TUB: variants seen among roughly 807,000 people sequenced by gnomAD.
TUB encodes the protein tubby protein homolog.
Under a neutral mutation model 59.7 loss-of-function variants are expected in TUB, and 33 were observed. That is an observed-to-expected ratio of 0.55 (90% CI 0.42 to 0.74). The LOEUF (loss-of-function observed/expected upper bound fraction) is 0.74. TUB is among the 30% of genes least tolerant of loss of function. The probability of loss-of-function intolerance (pLI) is 0.00; values close to 1 mark genes in which losing one functional copy is unlikely to be tolerated. For synonymous variants in TUB, 293 were observed against 256.4 expected (o/e 1.14, Z -1.36); for missense variants, 659 against 672.0 (o/e 0.98, Z 0.21).
In TUB at chr11:8,103,347, C is replaced by T. The variant is rs1394672051; in HGVS notation, c.*1728C>T. On this transcript the variant is annotated 3_prime_UTR_variant, in exon 12 of 12. Transcript: ENST00000299506. ...AAATTGGTGGGAAGCAAGCAGGGGT[C>T]GTACCTTGCTTTAGAGTAGATGTTT... The T allele has an allele frequency of 3.3e-5, 5 of 152,262 alleles. No individual in the cohort carries two copies. Among genetic ancestry groups the T allele is most frequent in the South Asian group, 4.2e-4 (2 of 4,818 alleles). The allele number at this position is 152,262 out of a possible 1,614,324, so 9.4% of individuals were successfully genotyped here.
intron 1 of TUB, among the ~76,000 whole-genome samples, chr11:8,030,570 TG>T (rs1942554856): frequency 6.6e-6 from 1 of 152,106 alleles, no homozygotes; most frequent in South Asian, 2.1e-4. Context: ...GATATGTATG[TG>T]TGTTGGGGAG....
intron 1 of TUB, among the ~76,000 whole-genome samples, chr11:8,031,924 G>A (rs1942577931): frequency 6.6e-6 from 1 of 152,222 alleles, no homozygotes; most frequent in Non-Finnish European, 1.5e-5. Context: ...CTTCCGCGGG[G>A]TGTCATCTGT....
chr11:8,048,623 C>G, intron 2 of TUB, among the ~76,000 whole-genome samples: 1 of 152,088 alleles, frequency 6.6e-6, no homozygotes, highest in Non-Finnish European at 1.5e-5. Flanking sequence ...CCAGGCCAGT[C>G]TGGAACTCCT....
At chr11:8,094,560 A>AG (rs1196847593) in intron 4 of TUB, among the ~76,000 whole-genome samples, 2 of 152,182 alleles carry the variant, frequency 1.3e-5, no homozygotes, top group Non-Finnish European at 2.9e-5. Context: ...ACTGCTTCCC[A>AG]GGCAGCTTGC....
chr11:8,074,691 A>G lies in TUB; in HGVS notation c.204-14919A>G, dbSNP rs116136141. 7.8e-3 allele frequency among the ~76,000 whole-genome samples: 1,170 copies of G among 150,696 alleles called. 17 individuals are homozygous for G. The highest frequency in any genetic ancestry group is 0.027 in the African/African-American group (1,126 of 41,028). ...GAGTTCAAGGCTGCAGTGAGCTACA[A>G]TAGCGCCACTTATACTCCAGCCTGG... On this transcript the variant is annotated intron_variant, in intron 2 of 12. Transcript: ENST00000305253.
intron 1 of TUB, chr11:8,039,137 C>A: frequency 7.4e-7 from 1 of 1,350,878 alleles, no homozygotes; most frequent in Non-Finnish European, 9.9e-7. Flanking sequence ...CCTCCCCTTC[C>A]TGATGGTGCT....
upstream of TUB, among the ~76,000 whole-genome samples, chr11:8,034,269 G>A (rs1942616595): frequency 2.0e-5 from 3 of 152,314 alleles, no homozygotes; most frequent in Non-Finnish European, 4.4e-5. Context: ...CTTCCATGAA[G>A]CCCAAGGGGG....
At chr11:8,062,834 C>T (rs1423628007) in intron 2 of TUB, among the ~76,000 whole-genome samples, 1 of 152,006 alleles carries the variant, frequency 6.6e-6, no homozygotes, top group African/African-American at 2.4e-5. Flanking sequence ...GACACCTACC[C>T]GGGGCCAGGA....
At chr11:8,093,525 T>G (rs925964332) in intron 3 of TUB, among the ~76,000 whole-genome samples, 1 of 152,182 alleles carries the variant, frequency 6.6e-6, no homozygotes, top group Non-Finnish European at 1.5e-5. Flanking sequence ...ACCTCACTGT[T>G]GGTGCCTGTA....
intron 2 of TUB, among the ~76,000 whole-genome samples, chr11:8,050,137 G>A (rs1459511968): frequency 6.6e-6 from 1 of 152,156 alleles, no homozygotes; most frequent in Non-Finnish European, 1.5e-5. Flanking sequence ...TTTGCAAGAT[G>A]CATGTATGTC....
Position 8,100,919 on chromosome 11 carries a change from C to G in TUB, c.1309C>G (p.Gln437Glu), listed in dbSNP as rs1944265852. The G allele has an allele frequency of 1.2e-6, 2 of 1,614,176 alleles. No homozygotes were observed. The highest frequency in any genetic ancestry group is 1.7e-6 in the Non-Finnish European group (2 of 1,180,030). Reference sequence around the variant, plus strand: ...GACACCTGTCTGGAATGATGACACACAGTCCTATGTACTCAACTTCCATGG... The same window carrying G: ...GACACCTGTCTGGAATGATGACACAGAGTCCTATGTACTCAACTTCCATGG... ...NKTPVWNDDT[Q>E]SYVLNFHGRV... Residue 437 changes from glutamine (Q) to glutamate (E), a missense_variant, in exon 11 of 12, where the codon CAG becomes GAG. Gln to Glu is a conservative substitution (Grantham distance 29). Coordinates refer to ENST00000299506, the MANE Select transcript of TUB (RefSeq NM_177972.3).
intron 2 of TUB, among the ~76,000 whole-genome samples, chr11:8,072,697 T>C (rs926895524): frequency 1.3e-5 from 2 of 152,162 alleles, no homozygotes; most frequent in Non-Finnish European, 2.9e-5. Flanking sequence ...AAGGAATACG[T>C]TGTCTCCAAT....
chr11:8,098,513 G>C (rs1465799304), intron 8 of TUB, among the ~76,000 whole-genome samples: 12 of 152,164 alleles, frequency 7.9e-5, no homozygotes, highest in Admixed American at 7.9e-4. Flanking sequence ...GAAGAATCCT[G>C]ATTGACCTCC....
At chr11:8,086,388 G>A (rs1046431650) in intron 1 of TUB, among the ~76,000 whole-genome samples, 1 of 152,150 alleles carries the variant, frequency 6.6e-6, no homozygotes, top group Non-Finnish European at 1.5e-5. Context: ...TGGGGGCGGA[G>A]AAGGGAACTG....
intron 10 of TUB, 72 bp downstream of exon 10, chr11:8,100,673 TC>T: frequency 1.3e-6 from 2 of 1,547,868 alleles, no homozygotes; most frequent in Non-Finnish European, 1.8e-6. Flanking sequence ...AGGGCAGAAC[TC>T]CAGCTGATGT....
intron 6 of TUB, 72 bp downstream of exon 6, chr11:8,096,878 A>C (rs984221072): frequency 1.9e-6 from 3 of 1,556,112 alleles, no homozygotes; most frequent in Non-Finnish European, 2.7e-6. Flanking sequence ...ACTGCATGTG[A>C]AGAGATGGAC....
intron 1 of TUB, among the ~76,000 whole-genome samples, chr11:8,032,625 G>A (rs545731440): frequency 2.0e-5 from 3 of 152,272 alleles, no homozygotes; most frequent in African/African-American, 7.2e-5. Flanking sequence ...ACCTACACGT[G>A]TTCATTCTCT....
At chr11:8,090,288 C>G (rs1589962536) in intron 3 of TUB, 57 bp downstream of exon 3, 1 of 1,592,876 alleles carries the variant, frequency 6.3e-7, no homozygotes, top group Non-Finnish European at 8.6e-7. Context: ...CCGTCACTTC[C>G]TGCCCACCTA....
chr11:8,052,636 A>AT (rs1458163719), intron 2 of TUB, among the ~76,000 whole-genome samples: 5 of 151,618 alleles, frequency 3.3e-5, no homozygotes, highest in African/African-American at 1.2e-4. Flanking sequence ...CGCCCTGCTA[A>AT]TTTTTTGTTT....
Sources: gnomAD v4.1 joint callset for allele counts (sites outside exome capture counted in the v4.1 genomes callset) on GRCh38, gnomAD v4.1.1 for gene constraint, MANE v1.5 for transcripts, NCBI Gene and HGNC (gene_info 2026-07-23, HGNC 2026-07-21) for gene names.